PRDM6: variants seen among roughly 807,000 people sequenced by gnomAD.
PRDM6 encodes the protein PR/SET domain 6.
PRDM6 carries 25 observed loss-of-function variants against 60.8 expected under a neutral mutation model. The observed-to-expected ratio is 0.41, with a 90% CI of 0.30 to 0.57. The LOEUF is 0.57. PRDM6 is among the 20% of genes least tolerant of loss of function. The probability of loss-of-function intolerance (pLI) is 0.27; values close to 1 mark genes in which losing one functional copy is unlikely to be tolerated. For missense variants in PRDM6, 839 were observed against 821.3 expected, an observed-to-expected ratio of 1.02 and a Z score of -0.26; for synonymous variants, 407 against 357.4, an observed-to-expected ratio of 1.14 and a Z score of -1.57.
At chr5:123,146,231 A>G (rs182106329) in intron 3 of PRDM6, among the ~76,000 whole-genome samples, 18 of 152,304 alleles carry the variant, frequency 1.2e-4, no homozygotes, top group Admixed American at 1.0e-3. Flanking sequence ...AGCAAGGTCT[A>G]TTTGGTATTG....
chr5:123,090,125 C>T lies in PRDM6; in HGVS notation c.111C>T (p.Gly37=). Residue 37 remains glycine, a synonymous_variant, in exon 2 of 8, where the codon GGC becomes GGT. Transcript: ENST00000407847. ...ACGGAGGCGCAGGCCCGCTCAAGGGCAGCGGCGCCGCGGGTCTCCTGAGCG... is the reference window on the plus strand; with the variant it reads ...ACGGAGGCGCAGGCCCGCTCAAGGGTAGCGGCGCCGCGGGTCTCCTGAGCG... ...FPHGGAGPLK[G]SGAAGLLSAP... 1.3e-6 allele frequency: 2 copies of T among 1,539,442 alleles called. No homozygotes were observed. Among genetic ancestry groups the T allele is most frequent in the Non-Finnish European group, 1.8e-6 (2 of 1,142,542 alleles).
intron 3 of PRDM6, among the ~76,000 whole-genome samples, chr5:123,114,226 T>C (rs1764379783): frequency 6.6e-6 from 1 of 152,234 alleles, no homozygotes; most frequent in East Asian, 1.9e-4. Context: ...TCCACTGTCT[T>C]TCCAAGCCCA....
intron 5 of PRDM6, among the ~76,000 whole-genome samples, chr5:123,164,965 C>T (rs1765721988): frequency 6.6e-6 from 1 of 152,128 alleles, no homozygotes; most frequent in Non-Finnish European, 1.5e-5. Flanking sequence ...CAGGACAACC[C>T]TAAAGGACAT....
rs1291550780 is a variant in PRDM6, at chr5:123,171,106, C to G, written c.1494C>G (p.Asp498Glu). ...LQMHVCTQNPDRPYQCGHCSQ... is the reference protein window; with the variant it reads ...LQMHVCTQNPERPYQCGHCSQ... ...TGCACGTGTGCACGCAGAACCCCGA[C>G]AGGTAACCCTGACTCTCACTGCTGA... Residue 498 changes from aspartate to glutamate, a missense_variant and splice_region_variant, in exon 6 of 8, where the codon GAC becomes GAG. Coordinates refer to ENST00000407847, the MANE Select transcript of PRDM6 (RefSeq NM_001136239.4). 10 of 1,529,934 alleles carry G rather than the reference C, an allele frequency of 6.5e-6. No individual in the cohort carries two copies. Among genetic ancestry groups the G allele is most frequent in the Non-Finnish European group, 8.8e-6 (10 of 1,134,410 alleles). The allele number at this position is 1,529,934 out of a possible 1,614,324, so 94.8% of individuals were successfully genotyped here.
At chr5:123,148,579 C>T (rs773105088) in intron 3 of PRDM6, among the ~76,000 whole-genome samples, 8 of 148,756 alleles carry the variant, frequency 5.4e-5, no homozygotes, top group Non-Finnish European at 8.9e-5. Flanking sequence ...TGCATATTCA[C>T]GGTCTTATGC....
In PRDM6 at chr5:123,134,816, A is replaced by G. The variant is rs565773661; in HGVS notation, c.901-21068A>G. Reference sequence around the variant, plus strand: ...TAAATAAATTGGATCATCTCAAGTTACTGCTCCGAAGGCAGAGATCTGCAA... The same window carrying G: ...TAAATAAATTGGATCATCTCAAGTTGCTGCTCCGAAGGCAGAGATCTGCAA... On this transcript the variant is annotated intron_variant, in intron 3 of 7. Transcript: ENST00000407847. Among the ~76,000 whole-genome samples the G allele has an allele frequency of 5.6e-4, 85 of 152,300 alleles. 1 individual carries two copies. The South Asian group carries it at 0.017, about 31-fold the overall frequency.
chr5:123,186,600 A>G (rs1766294483), intron 7 of PRDM6, among the ~76,000 whole-genome samples: 1 of 152,234 alleles, frequency 6.6e-6, no homozygotes, highest in African/African-American at 2.4e-5. Flanking sequence ...CAGTCACTGC[A>G]GTCTAACATA....
rs188393667 is a variant in PRDM6 at position 123,144,525 on chromosome 5, G to A, written c.901-11359G>A. On this transcript the variant is annotated intron_variant, in intron 3 of 7. Coordinates refer to ENST00000407847, the MANE Select transcript of PRDM6 (RefSeq NM_001136239.4). ...CACTGAGGCATGAATGGGGTGGGGG[G>A]ATGGTTTGAGGAGTCAGTGAAAGGG... is the stretch of plus-strand genomic sequence containing the variant. Among the ~76,000 whole-genome samples, 27 of 152,220 alleles carry A rather than the reference G, an allele frequency of 1.8e-4. No individual in the cohort carries two copies. In the East Asian group the frequency reaches 4.6e-3, roughly 26 times the overall value.
chr5:123,108,078 A>C (rs1764235613), intron 3 of PRDM6, among the ~76,000 whole-genome samples: 2 of 152,138 alleles, frequency 1.3e-5, no homozygotes, highest in South Asian at 4.1e-4. Flanking sequence ...TGCTTTTCCC[A>C]GTGCCTCTGT....
Position 123,186,786 on chromosome 5 carries a change from A to C in PRDM6, c.1674-301A>C, listed in dbSNP as rs1025033637. Among the ~76,000 whole-genome samples, 9 of 152,334 alleles carry C rather than the reference A, an allele frequency of 5.9e-5. No individual in the cohort carries two copies. The East Asian group carries it at 1.3e-3, about 23-fold the overall frequency. ...GCTGCTTCTTTGATGGCTCACTCCT[A>C]AAAATCTCTTTTTGTTCTTTATCTA... On this transcript the variant is annotated intron_variant, in intron 7 of 7. Coordinates refer to ENST00000407847, the MANE Select transcript of PRDM6 (RefSeq NM_001136239.4).
At chr5:123,110,954 A>G (rs1440904594) in intron 3 of PRDM6, among the ~76,000 whole-genome samples, 1 of 152,102 alleles carries the variant, frequency 6.6e-6, no homozygotes, top group Non-Finnish European at 1.5e-5. Context: ...ACATAATCCT[A>G]GATTCCCACA....
intron 1 of PRDM6, 79 bp from the exon 2 acceptor site, chr5:123,089,921 C>A: frequency 9.1e-7 from 1 of 1,097,108 alleles, no homozygotes; most frequent in Non-Finnish European, 1.3e-6. Context: ...CGGGCACTTT[C>A]TCCAGGGTCC....
chr5:123,151,677 C>T (rs967193531), intron 3 of PRDM6, among the ~76,000 whole-genome samples: 25 of 152,118 alleles, frequency 1.6e-4, no homozygotes, highest in African/African-American at 5.8e-4. Flanking sequence ...CCACAGTGCT[C>T]GGCATTCTGG....
At position 123,171,073 on chromosome 5, in the gene PRDM6, C is replaced by G. The variant is rs1765880601; in HGVS notation, c.1461C>G (p.Leu487=). 6.4e-7 allele frequency: 1 copy of G among 1,550,550 alleles called. No individual in the cohort carries two copies. The highest frequency in any genetic ancestry group is 8.7e-7 in the Non-Finnish European group (1 of 1,145,972). ...QCFKTFTQRI[L]LQMHVCTQNP... ...TTAAGACTTTCACCCAGCGGATCCT[C>G]TTACAGATGCACGTGTGCACGCAGA... Residue 487 remains leucine, a synonymous_variant, in exon 6 of 8, where the codon CTC becomes CTG. Coordinates refer to ENST00000407847, the MANE Select transcript of PRDM6 (RefSeq NM_001136239.4).
In PRDM6 at chr5:123,124,055, T is replaced by G. The variant is rs556026728; in HGVS notation, c.900+24094T>G. Among the ~76,000 whole-genome samples the G allele has an allele frequency of 2.0e-5, 3 of 152,310 alleles. No homozygotes were observed. In the South Asian group the frequency reaches 6.2e-4, roughly 32 times the overall value. ...ACAGGGTTCCTGCCAAACTTTGACC[T>G]GGTCCAGGTCAGGCCAACCTTAGAG... On this transcript the variant is annotated intron_variant, in intron 3 of 7. Transcript: ENST00000407847.
chr5:123,176,757 T>G (rs1766022619), intron 6 of PRDM6, among the ~76,000 whole-genome samples: 1 of 152,128 alleles, frequency 6.6e-6, no homozygotes, highest in Non-Finnish European at 1.5e-5. Flanking sequence ...AGTTGTGCAA[T>G]GTCATGAGAT....
intron 3 of PRDM6, among the ~76,000 whole-genome samples, chr5:123,154,105 T>C (rs1765438609): frequency 6.6e-6 from 1 of 152,104 alleles, no homozygotes; most frequent in South Asian, 2.1e-4. Context: ...AACAACAGTT[T>C]CAGAGTTGAA....
chr5:123,113,601 T>C (rs185267669), intron 3 of PRDM6, among the ~76,000 whole-genome samples: 166 of 152,340 alleles, frequency 1.1e-3, no homozygotes, highest in Non-Finnish European at 1.5e-3. Flanking sequence ...ATGTAGGTGT[T>C]GTGGACTGTA....
intron 7 of PRDM6, among the ~76,000 whole-genome samples, chr5:123,181,246 C>A (rs552422083): frequency 6.6e-6 from 1 of 152,194 alleles, no homozygotes; most frequent in Non-Finnish European, 1.5e-5. Flanking sequence ...TTGAAAACCT[C>A]ATAGTCTAAG....
Sources: allele counts gnomAD v4.1 joint callset (sites outside exome capture counted in the v4.1 genomes callset), GRCh38; gene constraint gnomAD v4.1.1; transcripts MANE v1.5; gene names NCBI Gene and HGNC (gene_info 2026-07-23, HGNC 2026-07-21).